WFDC2: variants seen among roughly 807,000 people sequenced by gnomAD.
The protein encoded by WFDC2 is WAP four-disulfide core domain 2.
A neutral mutation model predicts 12.5 loss-of-function variants in WFDC2; 8 were observed. The observed-to-expected ratio is 0.64, with a 90% CI of 0.37 to 1.15. The LOEUF (loss-of-function observed/expected upper bound fraction) is 1.15, where lower values mean the gene tolerates loss of function less well. WFDC2 is among the 50% of genes most tolerant of loss of function. The probability of loss-of-function intolerance (pLI) is 0.01; values close to 1 mark genes in which losing one functional copy is unlikely to be tolerated. For missense variants in WFDC2, 166 were observed against 159.9 expected, an observed-to-expected ratio of 1.04 and a Z score of -0.21; for synonymous variants, 74 against 67.2, an observed-to-expected ratio of 1.10 and a Z score of -0.49.
At chr20:45,479,702 G>A (rs578105278) in intron 2 of WFDC2, 38 of 1,613,892 alleles carry the variant, frequency 2.4e-5, no homozygotes, top group African/African-American at 2.7e-5. Flanking sequence ...CCTAGGCCAC[G>A]AAGGCCCACT....
rs1048091581 is a variant in WFDC2 at position 45,470,935 on chromosome 20, C to T, written c.223+403C>T. ...TTGGAGTCCCTCCCTGGGGGCCTCCCCCAGCCCTGGGGAAAGACTGGGAGA... is the reference window on the plus strand; with the variant it reads ...TTGGAGTCCCTCCCTGGGGGCCTCCTCCAGCCCTGGGGAAAGACTGGGAGA... On this transcript the variant is annotated intron_variant, in intron 2 of 3. Coordinates refer to ENST00000372676, the MANE Select transcript of WFDC2 (RefSeq NM_006103.4). This position sits in a 1 kb window ranked among gnomAD's most constrained non-coding sequence, Gnocchi z 5.4. Among the ~76,000 whole-genome samples, 1 of 152,208 alleles carries T rather than the reference C, an allele frequency of 6.6e-6. No homozygotes were observed. Among genetic ancestry groups the T allele is most frequent in the Non-Finnish European group, 1.5e-5 (1 of 68,020 alleles).
rs143470562 is a variant in WFDC2, at chr20:45,479,237, G to T, written c.224-705G>T. Among the ~76,000 whole-genome samples the T allele has an allele frequency of 2.3e-3, 345 of 152,298 alleles. 1 individual carries two copies. Among genetic ancestry groups the T allele is most frequent in the South Asian group, 0.013 (65 of 4,824 alleles). ...GTGGGTATGAGTGAAGATTATAAGT[G>T]TGTAACCCCTCACATGTGTACTGTA... is the stretch of plus-strand genomic sequence containing the variant. On this transcript the variant is annotated intron_variant, in intron 2 of 3. Coordinates refer to ENST00000372676, the MANE Select transcript of WFDC2 (RefSeq NM_006103.4).
In WFDC2 at chr20:45,473,416, C is replaced by T. The variant is rs191521295; in HGVS notation, c.223+2884C>T. Among the ~76,000 whole-genome samples the T allele has an allele frequency of 1.7e-3, 262 of 152,290 alleles. 1 individual carries two copies. The highest frequency in any genetic ancestry group is 6.0e-3 in the African/African-American group (250 of 41,556). On this transcript the variant is annotated intron_variant, in intron 2 of 3. Transcript: ENST00000372676. ...TTCTGCATATGGCTAGCCAGTTTTC[C>T]CAACACCATTTATTAAATAGGGAAT...
In WFDC2 at chr20:45,470,855, C is replaced by T. The variant is rs574280467; in HGVS notation, c.223+323C>T. Among the ~76,000 whole-genome samples the T allele has an allele frequency of 6.6e-6, 1 of 152,284 alleles. No individual in the cohort carries two copies. The highest frequency in any genetic ancestry group is 6.5e-5 in the Admixed American group (1 of 15,310). ...CGGGGCCGCAGTTTCCTTCTCGAAC[C>T]GGCCGAAGCCTGCCCTGCGGGAAAG... On this transcript the variant is annotated intron_variant, in intron 2 of 3. Transcript: ENST00000372676. This position sits in a 1 kb window ranked among gnomAD's most constrained non-coding sequence, Gnocchi z 5.4.
chr20:45,470,550 G>A lies in WFDC2; in HGVS notation c.223+18G>A, dbSNP rs779226925. ...GCCCAATGGTAACCCCACGGCGGCCGAGCGGGAACGGGGCGGGGCCGCGCT... is the reference window on the plus strand; with the variant it reads ...GCCCAATGGTAACCCCACGGCGGCCAAGCGGGAACGGGGCGGGGCCGCGCT... On this transcript the variant is annotated intron_variant, in intron 2 of 3. Transcript: ENST00000372676. This position sits in a 1 kb window ranked among gnomAD's most constrained non-coding sequence, Gnocchi z 5.4. The A allele has an allele frequency of 1.1e-5, 18 of 1,578,704 alleles. No homozygotes were observed. The highest frequency in any genetic ancestry group is 1.3e-5 in the African/African-American group (1 of 74,384).
rs61338717 is a variant in WFDC2 at position 45,480,452 on chromosome 20, CAA to C, written c.*1+374_*1+375del. ...GAAACCCCGTCTCTACTAAAAATACCAAAAAAAAAAAAAAAAATTTAATGGGT... is the reference window on the plus strand; with the variant it reads ...GAAACCCCGTCTCTACTAAAAATACCAAAAAAAAAAAAAAATTTAATGGGT... On this transcript the variant is annotated intron_variant, in intron 3 of 3. Transcript: ENST00000372676. Among the ~76,000 whole-genome samples the C allele has an allele frequency of 4.5e-3, 593 of 133,150 alleles. 4 individuals are homozygous for C. Among genetic ancestry groups the C allele is most frequent in the African/African-American group, 0.015 (544 of 36,842 alleles). The allele number at this position is 133,150 out of a possible 152,430, so 87.4% of individuals were successfully genotyped here.
chr20:45,480,047 GC>G lies in WFDC2; in HGVS notation c.331del (p.Arg111AlafsTer22). On this transcript the variant is annotated frameshift_variant, in exon 3 of 4. Coordinates refer to ENST00000372676, the MANE Select transcript of WFDC2 (RefSeq NM_006103.4). LOFTEE classifies it high-confidence loss of function. The stretch of plus-strand genomic sequence containing the variant: ...CAGTGTCCTGGCCAGATGAAATGCT[GC>G]CGCAATGGCTGTGGGAAGGTGTCCT... The part of the protein sequence containing the change: ...DSQCPGQMKC[C>X]RNGCGKVSCV... The G allele has an allele frequency of 6.2e-7, 1 of 1,614,236 alleles. No individual in the cohort carries two copies.
chr20:45,480,207 G>T, intron 3 of WFDC2, 113 bp downstream of exon 3: 1 of 1,470,982 alleles, frequency 6.8e-7, no homozygotes, highest in South Asian at 1.3e-5. Context: ...AGTTGGGAAA[G>T]GTATACCAGT....
intron 2 of WFDC2, among the ~76,000 whole-genome samples, chr20:45,474,863 A>G (rs1991213722): frequency 6.6e-6 from 1 of 152,156 alleles, no homozygotes; most frequent in Non-Finnish European, 1.5e-5. Context: ...GGAACTTGTT[A>G]TTGGTCGATT....
intron 2 of WFDC2, among the ~76,000 whole-genome samples, chr20:45,474,625 AAC>A (rs1991210724): frequency 6.6e-6 from 1 of 152,018 alleles, no homozygotes; most frequent in Admixed American, 6.6e-5. Flanking sequence ...CAGGGATATT[AAC>A]CTGAAATTTT....
chr20:45,474,950 T>C (rs1991215167), intron 2 of WFDC2, among the ~76,000 whole-genome samples: 1 of 152,230 alleles, frequency 6.6e-6, no homozygotes, highest in African/African-American at 2.4e-5. Context: ...TTCTAGGTTT[T>C]CTAGTTTATT....
intron 2 of WFDC2, among the ~76,000 whole-genome samples, chr20:45,477,413 T>C (rs1991246257): frequency 2.0e-5 from 3 of 152,228 alleles, no homozygotes; most frequent in Admixed American, 2.0e-4. Context: ...TTAGTTTTCC[T>C]TCTAACAATC....
chr20:45,474,501 C>T (rs1392279121), intron 2 of WFDC2, among the ~76,000 whole-genome samples: 1 of 152,156 alleles, frequency 6.6e-6, no homozygotes, highest in Non-Finnish European at 1.5e-5. Flanking sequence ...GTATGTTGAA[C>T]CAGCCTTGCA....
intron 2 of WFDC2, among the ~76,000 whole-genome samples, chr20:45,478,666 C>T (rs1284129838): frequency 6.6e-6 from 1 of 151,996 alleles, no homozygotes; most frequent in Non-Finnish European, 1.5e-5. Flanking sequence ...CGCTCTGTCG[C>T]CCAGGCTGGA....
At chr20:45,480,737 TC>T (rs1991292098) in intron 3 of WFDC2, among the ~76,000 whole-genome samples, 1 of 152,200 alleles carries the variant, frequency 6.6e-6, no homozygotes, top group Non-Finnish European at 1.5e-5. Flanking sequence ...ACTGATAGAA[TC>T]CAATAGTGCA....
rs1447293373 is a variant in WFDC2, at chr20:45,470,734, G to T, written c.223+202G>T. 1.3e-5 allele frequency among the ~76,000 whole-genome samples: 2 copies of T among 152,162 alleles called. No homozygotes were observed. Among genetic ancestry groups the T allele is most frequent in the East Asian group, 1.9e-4 (1 of 5,176 alleles). On this transcript the variant is annotated intron_variant, in intron 2 of 3. Coordinates refer to ENST00000372676, the MANE Select transcript of WFDC2 (RefSeq NM_006103.4). The surrounding 1 kb of genome is among the most constrained non-coding windows in gnomAD (Gnocchi z 5.4). The stretch of plus-strand genomic sequence containing the variant: ...AGGCGTCGTTGAAACGCAGCCAAGG[G>T]GGGGTCCCCACCCCTAGCTGGGATT...
chr20:45,469,908 A>G, intron 1 of WFDC2, 48 bp downstream of exon 1: 1 of 1,568,898 alleles, frequency 6.4e-7, no homozygotes, highest in Non-Finnish European at 8.6e-7. Context: ...CCGAGCCACG[A>G]GCGCCAGGAT....
At chr20:45,471,891 C>G (rs1991177231) in intron 2 of WFDC2, among the ~76,000 whole-genome samples, 1 of 152,098 alleles carries the variant, frequency 6.6e-6, no homozygotes, top group Non-Finnish European at 1.5e-5. Flanking sequence ...AGCCTCTGCT[C>G]TAAGATGGGA....
intron 2 of WFDC2, 59 bp from the exon 3 acceptor site, chr20:45,479,883 A>G (rs769598294): frequency 1.2e-6 from 2 of 1,613,964 alleles, no homozygotes; most frequent in African/African-American, 1.3e-5. Context: ...TGCTGCAGGT[A>G]CAAGTTAATC....
Sources: allele counts gnomAD v4.1 joint callset (sites outside exome capture counted in the v4.1 genomes callset), GRCh38; gene constraint gnomAD v4.1.1; non-coding constraint Gnocchi (gnomAD v3.1); transcripts MANE v1.5; gene names NCBI Gene and HGNC (gene_info 2026-07-23, HGNC 2026-07-21).